Variants in PTER observed in about 807,000 individuals in gnomAD.
The protein encoded by PTER is N-acetyltaurine hydrolase.
In PTER, 38 loss-of-function variants were observed where a neutral mutation model predicts 29.6. The ratio of observed to expected loss-of-function variants is 1.28; its 90% confidence interval spans 0.99 to 1.68. PTER has a LOEUF of 1.68. Ranked by LOEUF, PTER falls within the 40% of genes most tolerant of loss-of-function variation. The pLI is 0.00. For synonymous variants in PTER, 172 were observed against 154.5 expected (o/e 1.11, Z -0.84); for missense variants, 482 against 427.8 (o/e 1.13, Z -1.12).
chr10:16,514,531 G>C (rs777367197), downstream of PTER: 4 of 1,612,376 alleles, frequency 2.5e-6, no homozygotes, highest in South Asian at 4.4e-5. Flanking sequence ...TGCATTATCA[G>C]TCAGCATAAA....
chr10:16,473,480 A>G (rs1835130607), intron 1 of PTER, among the ~76,000 whole-genome samples: 1 of 126,376 alleles, frequency 7.9e-6, no homozygotes, highest in Admixed American at 1.0e-4. Context: ...AAATCGCACC[A>G]CTGCACTCCA....
At chr10:16,478,679 G>T (rs1036890384) in intron 1 of PTER, among the ~76,000 whole-genome samples, 3 of 151,952 alleles carry the variant, frequency 2.0e-5, no homozygotes, top group Non-Finnish European at 4.4e-5. Context: ...ACTAAACAGA[G>T]AAATTTGGGA....
chr10:16,485,188 G>A (rs576275213), intron 2 of PTER, among the ~76,000 whole-genome samples: 39 of 152,168 alleles, frequency 2.6e-4, no homozygotes, highest in Non-Finnish European at 4.9e-4. Context: ...ATGCTACCTC[G>A]ATTTTTTTTC....
intron 1 of PTER, among the ~76,000 whole-genome samples, chr10:16,481,921 C>T (rs1414667401): frequency 6.6e-6 from 1 of 152,164 alleles, no homozygotes; most frequent in Non-Finnish European, 1.5e-5. Context: ...GCATGAACTA[C>T]ACACTCCTTG....
At chr10:16,474,451 T>C (rs935176635) in intron 1 of PTER, among the ~76,000 whole-genome samples, 1 of 152,196 alleles carries the variant, frequency 6.6e-6, no homozygotes, top group Non-Finnish European at 1.5e-5. Flanking sequence ...TGATTTTTTT[T>C]AGTGTAAAAT....
At chr10:16,487,643 G>C (rs957752198) in intron 3 of PTER, among the ~76,000 whole-genome samples, 54 of 152,304 alleles carry the variant, frequency 3.5e-4, no homozygotes, top group African/African-American at 1.1e-3. Flanking sequence ...ATAGGGGACA[G>C]TAAAATGAAT....
chr10:16,509,688 C>A (rs1035911412), intron 4 of PTER, among the ~76,000 whole-genome samples: 1 of 151,988 alleles, frequency 6.6e-6, no homozygotes, highest in Admixed American at 6.6e-5. Flanking sequence ...AGATAATTCC[C>A]CTAAACTGAG....
chr10:16,461,982 C>G (rs1834629504), intron 1 of PTER, among the ~76,000 whole-genome samples: 1 of 151,050 alleles, frequency 6.6e-6, no homozygotes, highest in Non-Finnish European at 1.5e-5. Flanking sequence ...ACCGTATTTC[C>G]TAGGATTTTT....
intron 3 of PTER, among the ~76,000 whole-genome samples, chr10:16,499,500 G>A (rs1396168535): frequency 6.6e-6 from 1 of 151,796 alleles, no homozygotes; most frequent in African/African-American, 2.4e-5. Flanking sequence ...GGAGTGCAGT[G>A]GCTTGATCGT....
At chr10:16,464,041 C>CG (rs945258536) in intron 1 of PTER, among the ~76,000 whole-genome samples, 91 of 152,238 alleles carry the variant, frequency 6.0e-4, no homozygotes, top group African/African-American at 1.9e-3. Flanking sequence ...CCTACTTCAC[C>CG]GGTACATTAG....
At chr10:16,443,458 G>T (rs1235332733) in intron 1 of PTER, among the ~76,000 whole-genome samples, 1 of 152,204 alleles carries the variant, frequency 6.6e-6, no homozygotes, top group South Asian at 2.1e-4. Context: ...GGTCTGTTTG[G>T]AAGCTACTGT....
At chr10:16,505,328 A>G (rs1228742216) in intron 4 of PTER, among the ~76,000 whole-genome samples, 168 bp downstream of exon 4, 1 of 152,152 alleles carries the variant, frequency 6.6e-6, no homozygotes, top group Non-Finnish European at 1.5e-5. Flanking sequence ...TCTCTATATT[A>G]TTTTAAGGAG....
At chr10:16,500,070 A>G (rs768926) in intron 3 of PTER, among the ~76,000 whole-genome samples, 90,843 of 151,664 alleles carry the variant, frequency 0.6, 28,982 homozygotes, top group East Asian at 0.83. Flanking sequence ...GCATTTTCCT[A>G]ATGTCTAAAA....
Position 16,440,434 on chromosome 10 carries a change from A to G in PTER, c.-49+3387A>G, listed in dbSNP as rs146216428. On this transcript the variant is annotated intron_variant, in intron 1 of 4. Coordinates refer to ENST00000535784, the MANE Select transcript of PTER (RefSeq NM_001261836.2). ...AAGAAAAAGAAAAAAGAATAAGAAA[A>G]ATAAAATATCTGGTTCCATTTGGCA... 2.5e-3 allele frequency among the ~76,000 whole-genome samples: 379 copies of G among 152,282 alleles called. 3 individuals carry two copies. Among genetic ancestry groups the G allele is most frequent in the African/African-American group, 8.6e-3 (356 of 41,576 alleles).
At chr10:16,515,266 C>G (rs1217185824), downstream of PTER, among the ~76,000 whole-genome samples, 3 of 151,498 alleles carry the variant, frequency 2.0e-5, no homozygotes, top group East Asian at 5.8e-4. Context: ...TAGGGCTTTC[C>G]AAATCTAATT....
At chr10:16,507,382 A>G (rs531507354) in intron 4 of PTER, among the ~76,000 whole-genome samples, 1 of 152,222 alleles carries the variant, frequency 6.6e-6, no homozygotes, top group South Asian at 2.1e-4. Context: ...GTTCCCTATG[A>G]TAACAAGAAC....
chr10:16,478,253 T>C (rs924373863), intron 1 of PTER, among the ~76,000 whole-genome samples: 6 of 152,146 alleles, frequency 3.9e-5, no homozygotes, highest in African/African-American at 1.2e-4. Flanking sequence ...TCTAGGATGT[T>C]ACTATAGTGA....
intron 3 of PTER, among the ~76,000 whole-genome samples, chr10:16,498,554 G>A (rs912378807): frequency 1.3e-5 from 2 of 152,222 alleles, no homozygotes; most frequent in Non-Finnish European, 2.9e-5. Context: ...CTGCACTCCA[G>A]CCTGTGTGAC....
intron 4 of PTER, among the ~76,000 whole-genome samples, chr10:16,510,563 T>C (rs571222947): frequency 1.3e-3 from 202 of 152,302 alleles, no homozygotes; most frequent in African/African-American, 4.5e-3. Flanking sequence ...ATTTTACTTG[T>C]AGTGAGATTC....
Sources: gnomAD v4.1 joint callset for allele counts (sites outside exome capture counted in the v4.1 genomes callset) on GRCh38, gnomAD v4.1.1 for gene constraint, MANE v1.5 for transcripts, NCBI Gene and HGNC (gene_info 2026-07-23, HGNC 2026-07-21) for gene names.